INTU: variants seen among roughly 807,000 people sequenced by gnomAD.
The protein encoded by INTU is protein inturned.
In INTU, 68 loss-of-function variants were observed where a neutral mutation model predicts 100.5. The ratio of observed to expected loss-of-function variants is 0.68; its 90% CI spans 0.56 to 0.83. The LOEUF (loss-of-function observed/expected upper bound fraction) is 0.83. Ranked by LOEUF, INTU falls within the 40% of genes least tolerant of loss-of-function variation. INTU has a pLI of 0.00. For synonymous variants in INTU, 357 were observed against 395.7 expected, an observed-to-expected ratio of 0.90 and a Z score of 1.16; for missense variants, 1,071 against 1,114.7, an observed-to-expected ratio of 0.96 and a Z score of 0.56.
intron 5 of INTU, among the ~76,000 whole-genome samples, chr4:127,673,307 A>G (rs927906489): frequency 1.3e-5 from 2 of 150,432 alleles, no homozygotes; most frequent in Non-Finnish European, 1.5e-5. Flanking sequence ...CCCCACCCCA[A>G]GTAGCTAGGG....
In INTU at chr4:127,655,825, G is replaced by A. The variant is rs1336656368; in HGVS notation, c.683-811G>A. The stretch of plus-strand genomic sequence containing the variant: ...TGGGGGGCGCCCCTCCCCCAGCCTC[G>A]CTGCCGCCTTGCAGTTTGATCTCAG... On this transcript the variant is annotated intron_variant, in intron 2 of 15. Coordinates refer to ENST00000335251, the MANE Select transcript of INTU (RefSeq NM_015693.4). 1.1e-3 allele frequency among the ~76,000 whole-genome samples: 172 copies of A among 152,280 alleles called. 2 individuals carry two copies. Among genetic ancestry groups the A allele is most frequent in the African/African-American group, 3.9e-3 (164 of 41,564 alleles).
At chr4:127,670,186 A>G (rs746027817) in intron 5 of INTU, among the ~76,000 whole-genome samples, 1 of 151,706 alleles carries the variant, frequency 6.6e-6, no homozygotes, top group Non-Finnish European at 1.5e-5. Context: ...ATTATAAACA[A>G]TTTTTCTTCC....
chr4:127,672,950 A>T (rs1031501124), intron 5 of INTU, among the ~76,000 whole-genome samples: 2 of 152,248 alleles, frequency 1.3e-5, no homozygotes, highest in African/African-American at 2.4e-5. Flanking sequence ...TAGTTTCCAC[A>T]TAGGTGTATA....
At chr4:127,633,266 G>C in intron 1 of INTU, 86 bp downstream of exon 1, 1 of 1,414,904 alleles carries the variant, frequency 7.1e-7, no homozygotes, top group Non-Finnish European at 9.7e-7. Context: ...AAGGGTGTTG[G>C]CGTGGTTGGA....
chr4:127,666,719 G>A (rs1408169399), intron 4 of INTU, among the ~76,000 whole-genome samples: 1 of 152,196 alleles, frequency 6.6e-6, no homozygotes, highest in African/African-American at 2.4e-5. Flanking sequence ...TGAAAAGTAT[G>A]TTCTGGCCAT....
In INTU at chr4:127,724,943, T is replaced by G. The variant is rs1351005670; in HGVS notation, c.*8507T>G. On this transcript the variant is annotated 3_prime_UTR_variant, in exon 16 of 16. Coordinates refer to ENST00000335251, the MANE Select transcript of INTU (RefSeq NM_015693.4). ...CCATTAGTGACTAGTGGGCCTTAAT[T>G]TTGGCATTCAAATTAGGGTAAAAAA... The G allele has an allele frequency of 6.6e-6, 1 of 151,916 alleles. No homozygotes were observed. Among genetic ancestry groups the G allele is most frequent in the Non-Finnish European group, 1.5e-5 (1 of 68,002 alleles). 9.4% of individuals were successfully genotyped at this position (151,916 alleles called of 1,614,324 possible).
intron 8 of INTU, among the ~76,000 whole-genome samples, chr4:127,689,886 G>A (rs1265810424): frequency 6.6e-6 from 1 of 152,146 alleles, no homozygotes; most frequent in African/African-American, 2.4e-5. Flanking sequence ...CCATTCTGGG[G>A]TCTTTTATCC....
chr4:127,706,868 G>C lies in INTU; in HGVS notation c.2170G>C (p.Glu724Gln). ...GGSDNGCEGG[E>Q]DDGFSPHTTP... Reference sequence around the variant, plus strand: ...ATCTGACAATGGTTGTGAAGGTGGAGAAGATGATGGCTTTAGCCCCCATAC... The same window carrying C: ...ATCTGACAATGGTTGTGAAGGTGGACAAGATGATGGCTTTAGCCCCCATAC... The change falls in exon 12 of 16, where the codon GAA becomes CAA. Residue 724 changes from glutamate to glutamine, a missense_variant. Physicochemically the swap from Glu to Gln is conservative, Grantham distance 29. Coordinates refer to ENST00000335251, the MANE Select transcript of INTU (RefSeq NM_015693.4). The C allele has an allele frequency of 6.2e-7, 1 of 1,614,074 alleles. No homozygotes were observed. Among genetic ancestry groups the C allele is most frequent in the Non-Finnish European group, 8.5e-7 (1 of 1,179,986 alleles).
intron 1 of INTU, among the ~76,000 whole-genome samples, chr4:127,637,124 C>G (rs1727107167): frequency 6.6e-6 from 1 of 152,178 alleles, no homozygotes; most frequent in Non-Finnish European, 1.5e-5. Flanking sequence ...TTTCTCTTCT[C>G]CATTCTCACA....
chr4:127,655,767 G>T (rs1211790388), intron 2 of INTU, among the ~76,000 whole-genome samples: 4 of 152,204 alleles, frequency 2.6e-5, no homozygotes, highest in Non-Finnish European at 4.4e-5. Context: ...GGAGCTTCCT[G>T]GCTGCTATGT....
chr4:127,687,488 A>G, intron 7 of INTU, 190 bp from the exon 8 acceptor site: 1 of 416,674 alleles, frequency 2.4e-6, no homozygotes, highest in South Asian at 4.6e-5. Context: ...GTTTTAGGGT[A>G]AAAAGTTTGG....
At position 127,722,411 on chromosome 4, in the gene INTU, G is replaced by A. The variant is rs1322569677; in HGVS notation, c.*5975G>A. 6.6e-6 allele frequency: 1 copy of A among 152,310 alleles called. No homozygotes were observed. The highest frequency in any genetic ancestry group is 1.5e-5 in the Non-Finnish European group (1 of 68,118). 9.4% of individuals were successfully genotyped at this position (152,310 alleles called of 1,614,324 possible). A position where few individuals can be genotyped will look rare whatever the true frequency, so the allele number is the denominator to read the frequency against. On this transcript the variant is annotated 3_prime_UTR_variant, in exon 16 of 16. Coordinates refer to ENST00000335251, the MANE Select transcript of INTU (RefSeq NM_015693.4). ...AGTGTCTGGAGACTCCTGTTGGGAG[G>A]TCTCAGTCAGAAGGAGCGGGGTCAG...
chr4:127,672,467 C>CTT (rs55709540), intron 5 of INTU, among the ~76,000 whole-genome samples: 2 of 115,230 alleles, frequency 1.7e-5, no homozygotes, highest in African/African-American at 6.3e-5. Context: ...TGCGGTGTTG[C>CTT]TTTTTTTTTT....
At chr4:127,674,920 C>T (rs1042184629) in intron 6 of INTU, among the ~76,000 whole-genome samples, 11 of 152,258 alleles carry the variant, frequency 7.2e-5, no homozygotes, top group Middle Eastern at 6.8e-3. Flanking sequence ...TGCCAAAGCT[C>T]GCATAATCAG....
intron 7 of INTU, chr4:127,685,630 G>T (rs537217965): frequency 3.8e-5 from 11 of 288,580 alleles, no homozygotes; most frequent in South Asian, 1.2e-4. Flanking sequence ...AGTAAGGAAA[G>T]TTTTAACCAA....
intron 8 of INTU, among the ~76,000 whole-genome samples, chr4:127,692,289 G>A (rs1730182256): frequency 6.6e-6 from 1 of 151,974 alleles, no homozygotes. Context: ...ATTGTTGCAG[G>A]AGTGAGGTGG....
At chr4:127,655,581 C>T (rs1210195520) in intron 2 of INTU, among the ~76,000 whole-genome samples, 2 of 151,710 alleles carry the variant, frequency 1.3e-5, no homozygotes, top group Non-Finnish European at 2.9e-5. Flanking sequence ...TCTGCCCATT[C>T]TCAGATCTCC....
intron 6 of INTU, among the ~76,000 whole-genome samples, chr4:127,682,461 G>A (rs1729616431): frequency 6.6e-6 from 1 of 151,944 alleles, no homozygotes; most frequent in African/African-American, 2.4e-5. Flanking sequence ...GTAGGAACAT[G>A]GATGAAATTG....
At chr4:127,653,486 A>G (rs1005099964) in intron 2 of INTU, among the ~76,000 whole-genome samples, 6 of 151,510 alleles carry the variant, frequency 4.0e-5, no homozygotes, top group Non-Finnish European at 8.8e-5. Context: ...TGTATCCAGT[A>G]GTCATTCAGG....
Sources: allele counts gnomAD v4.1 joint callset (sites outside exome capture counted in the v4.1 genomes callset), GRCh38; gene constraint gnomAD v4.1.1; transcripts MANE v1.5; gene names NCBI Gene and HGNC (gene_info 2026-07-23, HGNC 2026-07-21).